The following ZMAT4 variants were observed in gnomAD, a reference collection of about 807,000 sequenced individuals.
The protein encoded by ZMAT4 is zinc finger matrin-type protein 4.
ZMAT4 carries 17 observed loss-of-function variants against 28.7 expected under a neutral mutation model. The ratio of observed to expected loss-of-function variants is 0.59; its 90% CI spans 0.41 to 0.89. The LOEUF is 0.89. Among genes scored for constraint, ZMAT4 ranks in the 40% least tolerant of loss-of-function variants. ZMAT4 has a pLI of 0.00. For synonymous variants in ZMAT4, 117 were observed against 109.2 expected (o/e 1.07, Z -0.44); for missense variants, 240 against 283.8 (o/e 0.85, Z 1.11).
intron 1 of ZMAT4, among the ~76,000 whole-genome samples, chr8:40,859,166 C>A (rs1017833433): frequency 6.6e-6 from 1 of 152,140 alleles, no homozygotes; most frequent in African/African-American, 2.4e-5. Context: ...TAGATTTATG[C>A]AAAATACCCA....
chr8:40,840,617 A>G (rs575379105), intron 1 of ZMAT4, among the ~76,000 whole-genome samples: 22 of 152,308 alleles, frequency 1.4e-4, no homozygotes, highest in African/African-American at 5.3e-4. Flanking sequence ...CAGAGAGCAG[A>G]TCCATTCCCA....
intron 1 of ZMAT4, among the ~76,000 whole-genome samples, chr8:40,851,455 G>T (rs957789155): frequency 6.6e-6 from 1 of 152,182 alleles, no homozygotes; most frequent in South Asian, 2.1e-4. Context: ...AAAATCTACT[G>T]TCTAGTTAAT....
At chr8:40,551,651 T>C (rs1289919024) in intron 6 of ZMAT4, among the ~76,000 whole-genome samples, 2 of 152,158 alleles carry the variant, frequency 1.3e-5, no homozygotes, top group African/African-American at 4.8e-5. Flanking sequence ...CTTTAAGCAT[T>C]GTTACAATAA....
intron 3 of ZMAT4, among the ~76,000 whole-genome samples, chr8:40,716,633 G>C (rs1033755838): frequency 6.6e-6 from 1 of 152,100 alleles, no homozygotes; most frequent in Non-Finnish European, 1.5e-5. Context: ...TGGAGGTTGT[G>C]GTGAACTGAG....
intron 2 of ZMAT4, among the ~76,000 whole-genome samples, chr8:40,800,983 T>C (rs1814806638): frequency 6.6e-6 from 1 of 151,598 alleles, no homozygotes; most frequent in Non-Finnish European, 1.5e-5. Context: ...CAAGCAAAGC[T>C]AAGAACAAAA....
intron 6 of ZMAT4, among the ~76,000 whole-genome samples, chr8:40,563,009 C>G (rs1476800287): frequency 1.3e-5 from 2 of 152,152 alleles, no homozygotes; most frequent in East Asian, 1.9e-4. Flanking sequence ...GTGAACTCAT[C>G]TACTCCCATA....
intron 4 of ZMAT4, 138 bp downstream of exon 4, chr8:40,697,107 T>C (rs2150494155): frequency 1.9e-6 from 2 of 1,028,718 alleles, no homozygotes; most frequent in South Asian, 3.9e-5. Flanking sequence ...GGTCAGCCAC[T>C]CATCCCTTTA....
At chr8:40,759,567 C>T (rs1346459732) in intron 3 of ZMAT4, among the ~76,000 whole-genome samples, 2 of 152,096 alleles carry the variant, frequency 1.3e-5, no homozygotes, top group Non-Finnish European at 2.9e-5. Context: ...GAAACTGAAT[C>T]GGCTGACAAC....
intron 6 of ZMAT4, among the ~76,000 whole-genome samples, chr8:40,533,348 G>C (rs970514106): frequency 6.6e-6 from 1 of 152,148 alleles, no homozygotes; most frequent in African/African-American, 2.4e-5. Context: ...GGGATTTCTC[G>C]CATGCTGCTG....
chr8:40,819,338 C>T (rs567342682), intron 2 of ZMAT4, among the ~76,000 whole-genome samples: 1 of 152,142 alleles, frequency 6.6e-6, no homozygotes, highest in Non-Finnish European at 1.5e-5. Context: ...CACCCATAAC[C>T]CATATCTTGA....
chr8:40,571,789 A>G (rs1455703850), intron 6 of ZMAT4, among the ~76,000 whole-genome samples: 2 of 152,142 alleles, frequency 1.3e-5, no homozygotes, highest in African/African-American at 2.4e-5. Context: ...ATAACTTTAC[A>G]TTCTTTGGAA....
chr8:40,587,610 C>T (rs1265027818), intron 5 of ZMAT4, among the ~76,000 whole-genome samples: 1 of 149,630 alleles, frequency 6.7e-6, no homozygotes, highest in Non-Finnish European at 1.5e-5. Flanking sequence ...TAAGCAAATA[C>T]AAAGAAAGAA....
intron 2 of ZMAT4, among the ~76,000 whole-genome samples, chr8:40,802,118 A>T (rs764113907): frequency 6.6e-6 from 1 of 152,252 alleles, no homozygotes; most frequent in African/African-American, 2.4e-5. Flanking sequence ...TTCAGCTAAC[A>T]TCATACATAA....
At chr8:40,799,094 G>C (rs921898253) in intron 2 of ZMAT4, among the ~76,000 whole-genome samples, 1 of 151,464 alleles carries the variant, frequency 6.6e-6, no homozygotes, top group African/African-American at 2.4e-5. Flanking sequence ...TGGATGGATG[G>C]ATGGATGGAT....
chr8:40,609,562 C>T (rs769347711), intron 5 of ZMAT4, among the ~76,000 whole-genome samples: 5 of 152,200 alleles, frequency 3.3e-5, no homozygotes, highest in African/African-American at 9.7e-5. Flanking sequence ...ACTTGTCAAA[C>T]CCACAGTTAG....
intron 5 of ZMAT4, among the ~76,000 whole-genome samples, chr8:40,608,859 C>T (rs1409964285): frequency 6.6e-6 from 1 of 152,206 alleles, no homozygotes; most frequent in African/African-American, 2.4e-5. Flanking sequence ...TCAGTTTCCC[C>T]AGTAAGGATG....
chr8:40,881,933 C>T (rs867564781), intron 1 of ZMAT4, among the ~76,000 whole-genome samples: 25 of 152,238 alleles, frequency 1.6e-4, no homozygotes, highest in Admixed American at 1.2e-3. Context: ...CCATGTAGCG[C>T]GCAGAATCAC....
intron 5 of ZMAT4, among the ~76,000 whole-genome samples, chr8:40,592,721 G>T (rs1360638566): frequency 6.6e-6 from 1 of 152,118 alleles, no homozygotes; most frequent in Non-Finnish European, 1.5e-5. Flanking sequence ...AGATTCAGAT[G>T]GGACACAGTA....
At chr8:40,660,861 A>C (rs1808159866) in intron 5 of ZMAT4, among the ~76,000 whole-genome samples, 1 of 152,188 alleles carries the variant, frequency 6.6e-6, no homozygotes, top group Non-Finnish European at 1.5e-5. Flanking sequence ...TTTTATATAC[A>C]CAAAACATAC....
Sources: gnomAD v4.1 joint callset for allele counts (sites outside exome capture counted in the v4.1 genomes callset) on GRCh38, gnomAD v4.1.1 for gene constraint, MANE v1.5 for transcripts, NCBI Gene and HGNC (gene_info 2026-07-23, HGNC 2026-07-21) for gene names.